The following ST18 variants were observed in gnomAD, a reference collection of about 807,000 sequenced individuals.
ST18 encodes suppression of tumorigenicity 18 protein.
In ST18, 50 loss-of-function variants were observed where a neutral mutation model predicts 110.0. The observed-to-expected ratio is 0.45, with a 90% confidence interval of 0.36 to 0.58. The LOEUF (loss-of-function observed/expected upper bound fraction) is 0.58, where lower values mean the gene tolerates loss of function less well. Ranked by LOEUF, ST18 falls within the 20% of genes least tolerant of loss-of-function variation. The pLI is 0.00. For missense variants in ST18, 1,306 were observed against 1,280.1 expected (o/e 1.02, Z -0.31); for synonymous variants, 461 against 452.4 (o/e 1.02, Z -0.24).
chr8:52,350,143 A>G (rs78471946), intron 2 of ST18, among the ~76,000 whole-genome samples: 3,361 of 152,274 alleles, frequency 0.022, 132 homozygotes, highest in African/African-American at 0.077. Flanking sequence ...GTCTCCCAAG[A>G]CAGAAAACCC....
At chr8:52,359,480 A>T (rs1000004585) in intron 2 of ST18, among the ~76,000 whole-genome samples, 1 of 152,164 alleles carries the variant, frequency 6.6e-6, no homozygotes, top group Non-Finnish European at 1.5e-5. Flanking sequence ...ACACATAAGA[A>T]GCAAAGAAAT....
At chr8:52,331,802 A>G (rs1809543990) in intron 2 of ST18, among the ~76,000 whole-genome samples, 1 of 152,180 alleles carries the variant, frequency 6.6e-6, no homozygotes, top group Non-Finnish European at 1.5e-5. Flanking sequence ...CGGTTGGCTT[A>G]AGGTGTCATT....
intron 2 of ST18, among the ~76,000 whole-genome samples, chr8:52,357,277 C>T (rs1187346224): frequency 1.3e-5 from 2 of 151,894 alleles, no homozygotes; most frequent in Admixed American, 6.6e-5. Context: ...AACAAAAGTT[C>T]TAAATTTATA....
chr8:52,154,782 G>A (rs1480919718), intron 15 of ST18: 1 of 152,036 alleles, frequency 6.6e-6, no homozygotes, highest in Non-Finnish European at 1.5e-5. Context: ...GGGAGGCTGA[G>A]GCAGGAGAAT....
In ST18 at chr8:52,125,778, G is replaced by C. The variant is rs117252941; in HGVS notation, c.2755+274C>G. Reference sequence around the variant, plus strand: ...GTGCTGGGATTACAGGCGTGAGCCAGCATGCCCTGCCAACCACAAGTGTAT... The same window carrying C: ...GTGCTGGGATTACAGGCGTGAGCCACCATGCCCTGCCAACCACAAGTGTAT... On this transcript the variant is annotated intron_variant, in intron 23 of 25. Coordinates refer to ENST00000689386, the MANE Select transcript of ST18 (RefSeq NM_001352837.2). 206 of 372,376 alleles carry C rather than the reference G, an allele frequency of 5.5e-4. 3 individuals carry two copies. The East Asian group carries it at 9.5e-3, about 17-fold the overall frequency. 23.1% of individuals were successfully genotyped at this position (372,376 alleles called of 1,614,324 possible).
chr8:52,218,227 A>G (rs2085128747), intron 5 of ST18, among the ~76,000 whole-genome samples: 1 of 151,980 alleles, frequency 6.6e-6, no homozygotes. Context: ...CTCTCTATAT[A>G]TAATATACAT....
intron 9 of ST18, 65 bp downstream of exon 9, chr8:52,180,057 C>T (rs1001171765): frequency 3.3e-6 from 5 of 1,516,266 alleles, no homozygotes; most frequent in Non-Finnish European, 3.6e-6. Flanking sequence ...ACACACTCTA[C>T]ATGAATTAGC....
At chr8:52,174,882 T>C (rs2066308547) in intron 9 of ST18, among the ~76,000 whole-genome samples, 1 of 152,166 alleles carries the variant, frequency 6.6e-6, no homozygotes, top group South Asian at 2.1e-4. Flanking sequence ...AAAGTTGGGT[T>C]TGCTTTGGAA....
intron 17 of ST18, among the ~76,000 whole-genome samples, chr8:52,140,540 TGATAGATGATA>T (rs2054552185): frequency 7.7e-6 from 1 of 129,466 alleles, no homozygotes; most frequent in Admixed American, 8.5e-5. Context: ...AATAGATAGA[TGATAGATGATA>T]GATAGATAGA....
intron 8 of ST18, among the ~76,000 whole-genome samples, chr8:52,187,381 C>T (rs1392585413): frequency 2.0e-5 from 3 of 152,222 alleles, no homozygotes; most frequent in African/African-American, 7.2e-5. Context: ...GATTTGAACT[C>T]AGGCAGTCTG....
At chr8:52,195,422 T>C (rs1168913724) in intron 8 of ST18, among the ~76,000 whole-genome samples, 1 of 152,110 alleles carries the variant, frequency 6.6e-6, no homozygotes, top group African/African-American at 2.4e-5. Flanking sequence ...TTTATATTTA[T>C]TTTTCAAACA....
chr8:52,161,893 T>C (rs896344161), intron 13 of ST18, among the ~76,000 whole-genome samples: 1 of 152,202 alleles, frequency 6.6e-6, no homozygotes. Context: ...TATTAGCATT[T>C]TGAGTTTTTA....
At chr8:52,221,103 CT>C (rs1266873744) in intron 4 of ST18, among the ~76,000 whole-genome samples, 1 of 151,142 alleles carries the variant, frequency 6.6e-6, no homozygotes, top group Non-Finnish European at 1.5e-5. Context: ...ATCTATCTAT[CT>C]ATCTATCTAT....
chr8:52,358,187 A>G (rs987362200), intron 2 of ST18, among the ~76,000 whole-genome samples: 6 of 151,922 alleles, frequency 3.9e-5, no homozygotes, highest in African/African-American at 1.4e-4. Context: ...GCCAACATCT[A>G]TGGGATCCAC....
chr8:52,349,852 A>G (rs553108595), intron 2 of ST18, among the ~76,000 whole-genome samples: 190 of 152,182 alleles, frequency 1.2e-3, no homozygotes, highest in African/African-American at 4.3e-3. Context: ...TATCCCAGGC[A>G]GAGCAAGGAG....
chr8:52,276,923 C>A (rs575688485), intron 2 of ST18, among the ~76,000 whole-genome samples: 1 of 152,078 alleles, frequency 6.6e-6, no homozygotes, highest in Non-Finnish European at 1.5e-5. Context: ...CCCACCACCA[C>A]GCCCAGCTAA....
chr8:52,218,526 T>G (rs1395661834), intron 5 of ST18, among the ~76,000 whole-genome samples: 1 of 151,186 alleles, frequency 6.6e-6, no homozygotes, highest in Non-Finnish European at 1.5e-5. Flanking sequence ...TAGCTGGGAT[T>G]ACAGGTATGT....
At chr8:52,322,203 G>T (rs534649351) in intron 2 of ST18, among the ~76,000 whole-genome samples, 1 of 152,300 alleles carries the variant, frequency 6.6e-6, no homozygotes, top group African/African-American at 2.4e-5. Flanking sequence ...AGGAGGGAGA[G>T]GAGTCTTGGC....
intron 22 of ST18, among the ~76,000 whole-genome samples, 198 bp downstream of exon 22, chr8:52,131,760 T>C (rs559153306): frequency 1.3e-5 from 2 of 152,312 alleles, no homozygotes; most frequent in East Asian, 3.9e-4. Flanking sequence ...AACTGTGTAG[T>C]AATTTTAAGA....
Sources: allele counts gnomAD v4.1 joint callset (sites outside exome capture counted in the v4.1 genomes callset), GRCh38; gene constraint gnomAD v4.1.1; transcripts MANE v1.5; gene names NCBI Gene and HGNC (gene_info 2026-07-23, HGNC 2026-07-21).